AOX1: variants seen among roughly 807,000 people sequenced by gnomAD.
The protein encoded by AOX1 is aldehyde oxidase 1.
In AOX1, 153 loss-of-function variants were observed where a neutral mutation model predicts 169.5. The observed-to-expected ratio is 0.90, with a 90% CI of 0.79 to 1.03. The LOEUF (loss-of-function observed/expected upper bound fraction) is 1.03, where lower values mean the gene tolerates loss of function less well. AOX1 is among the 50% of genes least tolerant of loss of function. AOX1 has a pLI of 0.00. For synonymous variants in AOX1, 562 were observed against 581.9 expected (o/e 0.97, Z 0.49); for missense variants, 1,656 against 1,663.9 (o/e 1.00, Z 0.08).
At chr2:200,654,677 G>A (rs1664378878) in intron 26 of AOX1, among the ~76,000 whole-genome samples, 1 of 152,164 alleles carries the variant, frequency 6.6e-6, no homozygotes, top group Admixed American at 6.5e-5. Flanking sequence ...AACATTTGGG[G>A]AATCTGCGGG....
intron 25 of AOX1, among the ~76,000 whole-genome samples, chr2:200,649,383 G>T (rs1027516033): frequency 5.9e-5 from 9 of 152,158 alleles, no homozygotes; most frequent in Non-Finnish European, 1.0e-4. Context: ...AGCTTCTCCC[G>T]TGGGGGTGTG....
chr2:200,667,847 G>A (rs1362651235), intron 32 of AOX1, among the ~76,000 whole-genome samples: 2 of 152,142 alleles, frequency 1.3e-5, no homozygotes, highest in African/African-American at 2.4e-5. Flanking sequence ...GTCCAGAGAT[G>A]TGAGGCTAGC....
intron 14 of AOX1, 100 bp from the exon 15 acceptor site, chr2:200,613,704 A>G (rs879210414): frequency 1.7e-6 from 2 of 1,211,584 alleles, no homozygotes; most frequent in Admixed American, 5.1e-5. Context: ...TTGTACTCTT[A>G]TTTCCTGTAT....
At chr2:200,646,504 C>T (rs1218740581) in intron 25 of AOX1, among the ~76,000 whole-genome samples, 3 of 152,034 alleles carry the variant, frequency 2.0e-5, no homozygotes, top group Admixed American at 2.0e-4. Context: ...GAGAAAGTTC[C>T]ATGTGCCGTT....
intron 16 of AOX1, among the ~76,000 whole-genome samples, chr2:200,617,935 A>G (rs565669414): frequency 9.9e-4 from 151 of 152,194 alleles, no homozygotes; most frequent in Non-Finnish European, 1.7e-3. Flanking sequence ...TTTCCTTTTC[A>G]TCACTATCTC....
intron 31 of AOX1, among the ~76,000 whole-genome samples, chr2:200,663,623 A>C: frequency 6.7e-6 from 1 of 149,580 alleles, no homozygotes; most frequent in Admixed American, 6.7e-5. Flanking sequence ...CTGTTGCTTC[A>C]AAGACTCATA....
intron 23 of AOX1, 41 bp downstream of exon 23, chr2:200,638,343 A>C: frequency 3.2e-6 from 5 of 1,539,960 alleles, no homozygotes; most frequent in South Asian, 1.1e-5. Context: ...TATGTTGTAG[A>C]TACAACATCC....
Position 200,669,681 on chromosome 2 carries a change from T to C in AOX1, c.3905T>C (p.Leu1302Pro). ...AGAGGCCTGCATGGACCCTTGACCC[T>C]TAATAGTCCACTGACCCCGGAGAAG... ...QERGLHGPLT[L>P]NSPLTPEKIR... is the part of the protein sequence containing the mutation. Residue 1302 changes from leucine to proline, a missense_variant, in exon 34 of 35, where the codon CTT (leucine) becomes CCT (proline). Coordinates refer to ENST00000374700, the MANE Select transcript of AOX1 (RefSeq NM_001159.4). The C allele has an allele frequency of 1.2e-6, 2 of 1,614,018 alleles. No homozygotes were observed. The highest frequency in any genetic ancestry group is 1.7e-6 in the Non-Finnish European group (2 of 1,179,998).
chr2:200,602,283 G>T lies in AOX1; in HGVS notation c.437-1G>T, dbSNP rs141644427. On this transcript the variant is annotated splice_acceptor_variant, in intron 5 of 34. Transcript: ENST00000374700. LOFTEE classifies it high-confidence loss of function. Reference sequence around the variant, plus strand: ...AACAGAGCTGGGTTTTTCTCCTTCAGGTAACCTGTGCCGTTGCACTGGATA... The same window carrying T: ...AACAGAGCTGGGTTTTTCTCCTTCATGTAACCTGTGCCGTTGCACTGGATA... The T allele has an allele frequency of 4.3e-6, 7 of 1,613,580 alleles. No individual in the cohort carries two copies. The highest frequency in any genetic ancestry group is 5.9e-6 in the Non-Finnish European group (7 of 1,179,808).
chr2:200,626,270 A>G (rs566240812), intron 19 of AOX1, among the ~76,000 whole-genome samples: 8 of 152,358 alleles, frequency 5.3e-5, no homozygotes, highest in African/African-American at 1.9e-4. Context: ...CACCGGTGCT[A>G]TAAACAAACC....
chr2:200,638,879 T>C (rs2035295686), intron 23 of AOX1, among the ~76,000 whole-genome samples: 1 of 152,186 alleles, frequency 6.6e-6, no homozygotes, highest in African/African-American at 2.4e-5. Flanking sequence ...ACGTCATTTC[T>C]TGCTCAAGTA....
intron 1 of AOX1, among the ~76,000 whole-genome samples, chr2:200,587,113 ACC>A (rs1234919431): frequency 4.3e-4 from 64 of 147,562 alleles, no homozygotes; most frequent in African/African-American, 1.6e-3. Context: ...CAAAAAAAAA[ACC>A]AAACAAAACA....
intron 20 of AOX1, among the ~76,000 whole-genome samples, chr2:200,632,595 TTC>T (rs892319746): frequency 6.6e-6 from 1 of 151,736 alleles, no homozygotes; most frequent in African/African-American, 2.4e-5. Flanking sequence ...ATTTCTGTTG[TTC>T]TTTCTTCCTT....
rs914351547 is a variant in AOX1 at position 200,620,945 on chromosome 2, G to A, written c.1874+126G>A. On this transcript the variant is annotated intron_variant, in intron 17 of 34. Coordinates refer to ENST00000374700, the MANE Select transcript of AOX1 (RefSeq NM_001159.4). The stretch of plus-strand genomic sequence containing the variant: ...GTGATATCCAATGCAGACCAGAGGT[G>A]AAACAGGATCGAAATGTAGGATTTA... The A allele has an allele frequency of 3.0e-6, 4 of 1,316,830 alleles. No homozygotes were observed. In the African/African-American group the frequency reaches 6.0e-5, roughly 20 times the overall value. 81.6% of individuals were successfully genotyped at this position (1,316,830 alleles called of 1,614,324 possible).
downstream of AOX1, chr2:200,678,105 G>A (rs1280333366): frequency 1.3e-5 from 2 of 152,300 alleles, no homozygotes; most frequent in Non-Finnish European, 1.5e-5. Flanking sequence ...CCTCCACTAG[G>A]GAGATGGCAA....
At chr2:200,595,539 A>G (rs150008050) in intron 3 of AOX1, among the ~76,000 whole-genome samples, 171 bp downstream of exon 3, 462 of 152,252 alleles carry the variant, frequency 3.0e-3, no homozygotes, top group African/African-American at 0.01. Context: ...ATGTTTTGGG[A>G]AAAAAATGTA....
chr2:200,642,211 G>T (rs2035365827), intron 24 of AOX1, among the ~76,000 whole-genome samples: 1 of 152,092 alleles, frequency 6.6e-6, no homozygotes, highest in South Asian at 2.1e-4. Flanking sequence ...GCAGGGAAAG[G>T]ATTGCTCCCC....
At chr2:200,591,364 T>A (rs1329656987) in intron 1 of AOX1, among the ~76,000 whole-genome samples, 1 of 152,166 alleles carries the variant, frequency 6.6e-6, no homozygotes, top group Non-Finnish European at 1.5e-5. Flanking sequence ...GTATTTTAGG[T>A]GGCAGAACTC....
intron 16 of AOX1, among the ~76,000 whole-genome samples, chr2:200,619,535 C>T (rs932302539): frequency 3.9e-5 from 6 of 152,196 alleles, no homozygotes; most frequent in Non-Finnish European, 8.8e-5. Context: ...TCTTCACCTG[C>T]TCTCCTTCTT....
Sources: allele counts gnomAD v4.1 joint callset (sites outside exome capture counted in the v4.1 genomes callset), GRCh38; gene constraint gnomAD v4.1.1; transcripts MANE v1.5; gene names NCBI Gene and HGNC (gene_info 2026-07-23, HGNC 2026-07-21).